SAMD12: variants seen among roughly 807,000 people sequenced by gnomAD.
The protein encoded by SAMD12 is sterile alpha motif domain containing 12, also known as sterile alpha motif domain-containing protein 12.
A neutral mutation model predicts 15.0 loss-of-function variants in SAMD12; 9 were observed. That is an observed-to-expected ratio of 0.60 (90% CI 0.36 to 1.05). The LOEUF (loss-of-function observed/expected upper bound fraction) is 1.05, where lower values mean the gene tolerates loss of function less well. Among genes scored for constraint, SAMD12 ranks in the 50% least tolerant of loss-of-function variants. The pLI is 0.01. For missense variants in SAMD12, 230 were observed against 234.2 expected (o/e 0.98, Z 0.12); for synonymous variants, 86 against 90.1 (o/e 0.96, Z 0.25).
intron 2 of SAMD12, among the ~76,000 whole-genome samples, chr8:118,549,274 AC>A (rs1323351767): frequency 6.6e-6 from 1 of 152,018 alleles, no homozygotes; most frequent in African/African-American, 2.4e-5. Context: ...ACTGGGAGGC[AC>A]CCCCCAAGTA....
At chr8:118,379,759 T>C in intron 3 of SAMD12, 59 bp from the exon 4 acceptor site, 2 of 1,574,050 alleles carry the variant, frequency 1.3e-6, no homozygotes, top group South Asian at 1.2e-5. Context: ...AAGAAAGATG[T>C]CCATTTTGGT....
intron 4 of SAMD12, chr8:118,239,924 T>C (rs1340021840): frequency 1.3e-5 from 2 of 152,168 alleles, no homozygotes; most frequent in South Asian, 2.1e-4. Context: ...TTAGGCATGA[T>C]CTTGGTCATT....
intron 2 of SAMD12, among the ~76,000 whole-genome samples, chr8:118,485,762 A>G (rs1367320239): frequency 6.6e-6 from 1 of 152,238 alleles, no homozygotes; most frequent in African/African-American, 2.4e-5. Context: ...GGGAATTAAA[A>G]AAAGCTAACA....
chr8:118,431,349 G>A (rs1384911587), intron 3 of SAMD12, among the ~76,000 whole-genome samples: 1 of 152,000 alleles, frequency 6.6e-6, no homozygotes, highest in African/African-American at 2.4e-5. Flanking sequence ...CTTTCTTTCT[G>A]TTGATTCAAG....
intron 4 of SAMD12, among the ~76,000 whole-genome samples, chr8:118,276,143 G>A (rs1256047859): frequency 6.6e-6 from 1 of 152,124 alleles, no homozygotes; most frequent in Non-Finnish European, 1.5e-5. Flanking sequence ...CCAGTTGTTG[G>A]AATAGTGTTC....
chr8:118,419,955 GA>G (rs1044101945), intron 3 of SAMD12, among the ~76,000 whole-genome samples: 10 of 152,216 alleles, frequency 6.6e-5, no homozygotes, highest in African/African-American at 2.4e-4. Context: ...ATGAATTGCA[GA>G]AAAGCTGTGC....
intron 3 of SAMD12, among the ~76,000 whole-genome samples, chr8:118,425,882 T>A (rs1586706129): frequency 6.6e-6 from 1 of 152,330 alleles, no homozygotes; most frequent in African/African-American, 2.4e-5. Flanking sequence ...CTAAATGAGG[T>A]AACCTAATGG....
At chr8:118,318,012 CT>C (rs1816006558) in intron 4 of SAMD12, among the ~76,000 whole-genome samples, 2 of 151,920 alleles carry the variant, frequency 1.3e-5, no homozygotes, top group Admixed American at 1.3e-4. Flanking sequence ...TACCTTGCTC[CT>C]ATAGGAGTGG....
At chr8:118,274,387 A>G (rs966269764) in intron 4 of SAMD12, among the ~76,000 whole-genome samples, 1 of 152,346 alleles carries the variant, frequency 6.6e-6, no homozygotes, top group African/African-American at 2.4e-5. Context: ...CAACATATCA[A>G]GGAAGAATGT....
chr8:118,284,660 T>G lies in SAMD12; in HGVS notation c.434-86928A>C, dbSNP rs1586426775. On this transcript the variant is annotated intron_variant, in intron 4 of 4. Coordinates refer to the SAMD12 transcript ENST00000409003. ...GGAGAATCTTAAAGAAGCAGTGAAT[T>G]GGCCGGGCACTGTGGCTCACGCCTG... 2.2e-5 allele frequency: 5 copies of G among 223,808 alleles called. No individual in the cohort carries two copies. The East Asian group carries it at 7.0e-4, about 31-fold the overall frequency. 13.9% of individuals were successfully genotyped at this position (223,808 alleles called of 1,614,324 possible).
the SAMD12 span, among the ~76,000 whole-genome samples, chr8:118,135,815 C>T: frequency 3.3e-5 from 5 of 152,132 alleles, no homozygotes; most frequent in Non-Finnish European, 4.4e-5. Context: ...TTCCAAAGTG[C>T]TGAGATTACA....
chr8:118,155,096 A>AAT, the SAMD12 span, among the ~76,000 whole-genome samples: 79 of 152,018 alleles, frequency 5.2e-4, no homozygotes, highest in African/African-American at 1.2e-3. Context: ...TTTAATTCTG[A>AAT]ATATATATAT....
intron 3 of SAMD12, among the ~76,000 whole-genome samples, chr8:118,438,977 C>T (rs1275216234): frequency 6.6e-6 from 1 of 152,086 alleles, no homozygotes; most frequent in Non-Finnish European, 1.5e-5. Flanking sequence ...AAGTGTTGCC[C>T]ACATACAAGC....
At chr8:118,519,120 G>A (rs1341545756) in intron 2 of SAMD12, among the ~76,000 whole-genome samples, 1 of 152,188 alleles carries the variant, frequency 6.6e-6, no homozygotes, top group Non-Finnish European at 1.5e-5. Context: ...TTGTGGGAAT[G>A]AGAGAAACTC....
the SAMD12 span, among the ~76,000 whole-genome samples, chr8:118,162,517 TGAG>T: frequency 6.6e-6 from 1 of 151,904 alleles, no homozygotes; most frequent in African/African-American, 2.4e-5. Context: ...GAGATAATGA[TGAG>T]TTCATTGGAG....
intron 4 of SAMD12, among the ~76,000 whole-genome samples, chr8:118,256,934 G>A (rs1259978774): frequency 6.6e-6 from 1 of 152,004 alleles, no homozygotes; most frequent in African/African-American, 2.4e-5. Flanking sequence ...TAACACTCCT[G>A]TTTTGCTAAA....
the SAMD12 span, among the ~76,000 whole-genome samples, chr8:118,165,591 TATAC>T: frequency 1.8e-5 from 2 of 108,832 alleles, no homozygotes; most frequent in South Asian, 3.0e-4. Context: ...AATCTATATA[TATAC>T]ATATATACAT....
intron 2 of SAMD12, among the ~76,000 whole-genome samples, chr8:118,522,341 A>T (rs1291943883): frequency 6.6e-6 from 1 of 152,116 alleles, no homozygotes; most frequent in Non-Finnish European, 1.5e-5. Flanking sequence ...GGGCAGGGGA[A>T]AAAGGTGTTT....
chr8:118,564,545 T>C (rs953315699), intron 2 of SAMD12, among the ~76,000 whole-genome samples: 7 of 152,204 alleles, frequency 4.6e-5, no homozygotes, highest in African/African-American at 1.7e-4. Context: ...TGACAGTCTC[T>C]CTGTCTGGTA....
Sources: gnomAD v4.1 joint callset for allele counts (sites outside exome capture counted in the v4.1 genomes callset) on GRCh38, gnomAD v4.1.1 for gene constraint, MANE v1.5 for transcripts, NCBI Gene and HGNC (gene_info 2026-07-23, HGNC 2026-07-21) for gene names.